SYNE2: variants seen among roughly 807,000 people sequenced by gnomAD.
The protein encoded by SYNE2 is spectrin repeat containing nuclear envelope protein 2, also known as nesprin-2.
Under a neutral mutation model 856.3 loss-of-function variants are expected in SYNE2, and 431 were observed. The observed-to-expected ratio is 0.50, with a 90% confidence interval of 0.47 to 0.55. The LOEUF (loss-of-function observed/expected upper bound fraction) is 0.55, where lower values mean the gene tolerates loss of function less well. Among genes scored for constraint, SYNE2 ranks in the 20% least tolerant of loss-of-function variants. The pLI is 0.00. For synonymous variants in SYNE2, 2,923 were observed against 2,872.3 expected (o/e 1.02, Z -0.56); for missense variants, 8,129 against 8,023.2 (o/e 1.01, Z -0.50).
intron 43 of SYNE2, among the ~76,000 whole-genome samples, chr14:64,029,094 C>T (rs2097008432): frequency 6.6e-6 from 1 of 152,090 alleles, no homozygotes; most frequent in South Asian, 2.1e-4. Flanking sequence ...CGAGATTGCA[C>T]CGCCGCACTC....
chr14:63,950,681 G>C (rs573592162), intron 7 of SYNE2, among the ~76,000 whole-genome samples: 17 of 152,148 alleles, frequency 1.1e-4, no homozygotes, highest in Non-Finnish European at 2.1e-4. Flanking sequence ...TTCTGAGACA[G>C]GGTCTCACTT....
intron 1 of SYNE2, among the ~76,000 whole-genome samples, chr14:63,778,499 ATTTT>A (rs1360174362): frequency 6.6e-6 from 1 of 152,032 alleles, no homozygotes; most frequent in Non-Finnish European, 1.5e-5. Context: ...TAATTTTATT[ATTTT>A]ATTTATTTAT....
At chr14:63,984,406 CA>C (rs1411212082) in intron 18 of SYNE2, among the ~76,000 whole-genome samples, 1 of 152,192 alleles carries the variant, frequency 6.6e-6, no homozygotes, top group Admixed American at 6.5e-5. Flanking sequence ...CTCTCACAGA[CA>C]CACAGAGCAG....
At chr14:64,024,619 T>C (rs756373125) in intron 39 of SYNE2, among the ~76,000 whole-genome samples, 160 bp downstream of exon 39, 6 of 152,128 alleles carry the variant, frequency 3.9e-5, no homozygotes, top group Non-Finnish European at 5.9e-5. Context: ...ATATAAAAAT[T>C]CGGGAAAAAT....
chr14:64,163,634 C>A, intron 89 of SYNE2, 53 bp downstream of exon 89: 1 of 1,602,260 alleles, frequency 6.2e-7, no homozygotes, highest in Non-Finnish European at 8.5e-7. Context: ...GCATTCCATC[C>A]TCAATCCCTT....
At chr14:64,202,209 C>A in intron 99 of SYNE2, 1 of 702,372 alleles carries the variant, frequency 1.4e-6, no homozygotes, top group Non-Finnish European at 2.6e-6. Context: ...GCCCCATAAT[C>A]TACCCGCATG....
At chr14:63,875,444 A>G (rs148362867) in intron 1 of SYNE2, among the ~76,000 whole-genome samples, 511 of 152,224 alleles carry the variant, frequency 3.4e-3, no homozygotes, top group Middle Eastern at 6.8e-3. Context: ...CACAATAACA[A>G]TGACAACATT....
intron 94 of SYNE2, among the ~76,000 whole-genome samples, chr14:64,171,695 G>GTGA (rs2098411648): frequency 6.6e-6 from 1 of 152,228 alleles, no homozygotes; most frequent in African/African-American, 2.4e-5. Flanking sequence ...CTGGCGCAGA[G>GTGA]CTGGCAAGGC....
chr14:63,853,667 C>CCCCGGGGA (rs1192495870), intron 1 of SYNE2, among the ~76,000 whole-genome samples: 10 of 151,226 alleles, frequency 6.6e-5, no homozygotes, highest in African/African-American at 1.2e-4. Context: ...GCGGTGCTCG[C>CCCCGGGGA]CCCGGGGACC....
At chr14:64,210,939 GTC>G (rs1466708194) in intron 103 of SYNE2, among the ~76,000 whole-genome samples, 1 of 151,222 alleles carries the variant, frequency 6.6e-6, no homozygotes, top group East Asian at 1.9e-4. Flanking sequence ...CTCCCTTCCT[GTC>G]TCTCTCTCCT....
intron 99 of SYNE2, among the ~76,000 whole-genome samples, chr14:64,198,684 C>T (rs2098549778): frequency 2.0e-5 from 3 of 152,184 alleles, no homozygotes; most frequent in Admixed American, 2.0e-4. Flanking sequence ...ATGTGAATGT[C>T]CGTCACTGCT....
At chr14:64,007,455 T>A (rs1439125147) in intron 31 of SYNE2, among the ~76,000 whole-genome samples, 3 of 152,178 alleles carry the variant, frequency 2.0e-5, no homozygotes, top group Non-Finnish European at 1.5e-5. Flanking sequence ...CACAGTACAG[T>A]CCGTTTATGC....
chr14:63,815,823 C>T (rs1435864180), intron 1 of SYNE2, among the ~76,000 whole-genome samples: 2 of 152,132 alleles, frequency 1.3e-5, no homozygotes, highest in Non-Finnish European at 2.9e-5. Context: ...AGATATGCTT[C>T]AAGCCTCAAA....
intron 2 of SYNE2, among the ~76,000 whole-genome samples, chr14:63,925,988 C>G (rs150242495): frequency 6.6e-6 from 1 of 151,666 alleles, no homozygotes; most frequent in Non-Finnish European, 1.5e-5. Flanking sequence ...CAAACAGGTG[C>G]GCGCCATGAC....
rs898771603 is a variant in SYNE2 at position 64,141,836 on chromosome 14, A to T, written c.15160-106A>T. 5 of 1,416,496 alleles carry T rather than the reference A, an allele frequency of 3.5e-6. No individual in the cohort carries two copies. In the African/African-American group the frequency reaches 7.2e-5, roughly 20 times the overall value. The allele number at this position is 1,416,496 out of a possible 1,614,324, so 87.7% of individuals were successfully genotyped here. On this transcript the variant is annotated intron_variant, in intron 81 of 115. Transcript: ENST00000555002. ...TGTTTTTTTTTTGAGTAACCTGCATAATTATATAGCAAGACCTTTTATCAA... is the reference window on the plus strand; with the variant it reads ...TGTTTTTTTTTTGAGTAACCTGCATTATTATATAGCAAGACCTTTTATCAA...
chr14:64,185,273 ATAAAAAT>A (rs745830615), intron 96 of SYNE2, among the ~76,000 whole-genome samples: 81 of 152,248 alleles, frequency 5.3e-4, no homozygotes, highest in Admixed American at 1.4e-3. Context: ...TAAAAAAAAA[ATAAAAAT>A]TAAAAAGGCA....
rs2097242228 is a variant in SYNE2 at position 64,053,410 on chromosome 14, A to G, written c.9497A>G (p.Asn3166Ser). 1 of 1,612,930 alleles carries G rather than the reference A, an allele frequency of 6.2e-7. No individual in the cohort carries two copies. The highest frequency in any genetic ancestry group is 1.1e-5 in the South Asian group (1 of 90,492). Reference sequence around the variant, plus strand: ...CTAGAAACTTCCTTACATGTTTTAAATCAGATAAAATCTCAATTACAGCAG... The same window carrying G: ...CTAGAAACTTCCTTACATGTTTTAAGTCAGATAAAATCTCAATTACAGCAG... ...DKLETSLHVL[N>S]QIKSQLQQPL... The change falls in exon 48 of 116, where the codon AAT becomes AGT. Residue 3166 changes from asparagine (N) to serine (S), a missense_variant. Asn to Ser is a conservative substitution (Grantham distance 46). Transcript: ENST00000555002.
At chr14:64,206,956 A>T (rs2098608224) in intron 100 of SYNE2, among the ~76,000 whole-genome samples, 1 of 152,204 alleles carries the variant, frequency 6.6e-6, no homozygotes, top group Admixed American at 6.5e-5. Flanking sequence ...AGAGTTCTTA[A>T]AACTGGAATT....
chr14:64,056,764 G>T (rs913811656), intron 49 of SYNE2, among the ~76,000 whole-genome samples: 1 of 151,246 alleles, frequency 6.6e-6, no homozygotes, highest in Non-Finnish European at 1.5e-5. Flanking sequence ...TCCGCCTCCC[G>T]AGTTCAAGTA....
Sources: gnomAD v4.1 joint callset for allele counts (sites outside exome capture counted in the v4.1 genomes callset) on GRCh38, gnomAD v4.1.1 for gene constraint, MANE v1.5 for transcripts, NCBI Gene and HGNC (gene_info 2026-07-23, HGNC 2026-07-21) for gene names.